SLC9A4: variants seen among roughly 807,000 people sequenced by gnomAD.
SLC9A4 encodes the protein solute carrier family 9 member A4.
A neutral mutation model predicts 67.4 loss-of-function variants in SLC9A4; 63 were observed. The observed-to-expected ratio is 0.93, with a 90% confidence interval of 0.76 to 1.15. The LOEUF (loss-of-function observed/expected upper bound fraction) is 1.15, where lower values mean the gene tolerates loss of function less well. Among genes scored for constraint, SLC9A4 ranks in the 50% most tolerant of loss-of-function variants. The probability of loss-of-function intolerance (pLI) is 0.00; values close to 1 mark genes in which losing one functional copy is unlikely to be tolerated. For missense variants in SLC9A4, 1,089 were observed against 987.7 expected, an observed-to-expected ratio of 1.10 and a Z score of -1.38; for synonymous variants, 393 against 367.2, an observed-to-expected ratio of 1.07 and a Z score of -0.80.
chr2:102,474,102 G>T, intron 1 of SLC9A4, 87 bp downstream of exon 1: 1 of 1,462,290 alleles, frequency 6.8e-7, no homozygotes, highest in Non-Finnish European at 9.2e-7. Flanking sequence ...CGGGCTAAGA[G>T]GATTTTAACT....
At chr2:102,517,471 G>GA (rs1685297808) in intron 8 of SLC9A4, among the ~76,000 whole-genome samples, 1 of 152,210 alleles carries the variant, frequency 6.6e-6, no homozygotes, top group Non-Finnish European at 1.5e-5. Flanking sequence ...AGGGCAGACT[G>GA]AAGAGAGGTT....
At chr2:102,498,292 T>TTATA (rs1466982228) in intron 2 of SLC9A4, among the ~76,000 whole-genome samples, 2 of 152,222 alleles carry the variant, frequency 1.3e-5, no homozygotes, top group Non-Finnish European at 2.9e-5. Flanking sequence ...GTCTTCTTAA[T>TTATA]TATATGTACT....
intron 9 of SLC9A4, among the ~76,000 whole-genome samples, chr2:102,522,552 G>T (rs1022227987): frequency 1.3e-5 from 2 of 152,104 alleles, no homozygotes; most frequent in Admixed American, 1.3e-4. Flanking sequence ...CTTATAAAGT[G>T]CAGCCTCCTC....
intron 2 of SLC9A4, among the ~76,000 whole-genome samples, chr2:102,492,177 G>T (rs907354419): frequency 3.9e-5 from 6 of 152,234 alleles, no homozygotes; most frequent in African/African-American, 1.4e-4. Flanking sequence ...AGGGTCTGTG[G>T]CTTTTCAAGG....
chr2:102,498,345 A>T (rs1282758348), intron 2 of SLC9A4, among the ~76,000 whole-genome samples: 1 of 152,364 alleles, frequency 6.6e-6, no homozygotes, highest in East Asian at 1.9e-4. Context: ...CTGGCAGGGC[A>T]CACTGGTGTC....
chr2:102,503,612 T>G lies in SLC9A4; in HGVS notation c.885T>G (p.Thr295=). Residue 295 remains threonine (T), a synonymous_variant, in exon 3 of 12, where the codon ACT becomes ACG. Coordinates refer to ENST00000295269, the MANE Select transcript of SLC9A4 (RefSeq NM_001011552.4). ...GFISAFITRF[T]QNISAIEPLI... ...TTTCTGCATTTATCACACGTTTCAC[T>G]CAGAATATCTCTGCAATTGAGCCAC... is the stretch of plus-strand genomic sequence containing the variant. The G allele has an allele frequency of 6.2e-7, 1 of 1,614,200 alleles. No homozygotes were observed. Among genetic ancestry groups the G allele is most frequent in the Non-Finnish European group, 8.5e-7 (1 of 1,180,034 alleles).
chr2:102,505,577 T>C lies in SLC9A4; in HGVS notation c.1198+106T>C, dbSNP rs189024168. On this transcript the variant is annotated intron_variant, in intron 4 of 11. Transcript: ENST00000295269. ...GAGGACTGAGTAGATGCTAACTGGT[T>C]TTACCGGTTAGGGTAGACTAGGAAC... 7 of 1,121,124 alleles carry C rather than the reference T, an allele frequency of 6.2e-6. No individual in the cohort carries two copies. In the African/African-American group the frequency reaches 1.1e-4, roughly 17 times the overall value. The allele number at this position is 1,121,124 out of a possible 1,614,324, so 69.4% of individuals were successfully genotyped here.
At chr2:102,476,410 T>A (rs1306837753) in intron 1 of SLC9A4, among the ~76,000 whole-genome samples, 1 of 152,238 alleles carries the variant, frequency 6.6e-6, no homozygotes, top group African/African-American at 2.4e-5. Flanking sequence ...AGGGAGAAGT[T>A]TTAAAATGTG....
At chr2:102,519,723 A>G (rs997971366) in intron 8 of SLC9A4, 136 bp from the exon 9 acceptor site, 6 of 690,064 alleles carry the variant, frequency 8.7e-6, no homozygotes, top group African/African-American at 5.5e-5. Flanking sequence ...ACTTACTAGA[A>G]CAATAGGAAA....
At position 102,501,373 on chromosome 2, in the gene SLC9A4, G is replaced by A. The variant is rs550218337; in HGVS notation, c.721-2075G>A. On this transcript the variant is annotated intron_variant, in intron 2 of 11. Coordinates refer to ENST00000295269, the MANE Select transcript of SLC9A4 (RefSeq NM_001011552.4). ...TGAGCTCAGGCAATCTGCCCACCTC[G>A]GCCTCCAAAAGTGCTAGGATTACAG... 4.6e-3 allele frequency among the ~76,000 whole-genome samples: 692 copies of A among 152,038 alleles called. 9 individuals are homozygous for A. The highest frequency in any genetic ancestry group is 0.016 in the African/African-American group (649 of 41,436).
Position 102,505,430 on chromosome 2 carries a change from T to A in SLC9A4, c.1157T>A (p.Ile386Asn). The change falls in exon 4 of 12, where the codon ATC becomes AAC. Residue 386 changes from isoleucine to asparagine, a missense_variant. Physicochemically the swap from Ile to Asn is moderately radical, Grantham distance 149. Coordinates refer to ENST00000295269, the MANE Select transcript of SLC9A4 (RefSeq NM_001011552.4). ...GKNHEWNWAF[I>N]CFTLAFCQIW... The stretch of plus-strand genomic sequence containing the variant: ...AATCACGAGTGGAACTGGGCCTTCA[T>A]CTGCTTCACCCTGGCCTTCTGCCAA... 1 of 1,614,222 alleles carries A rather than the reference T, an allele frequency of 6.2e-7. No homozygotes were observed. The highest frequency in any genetic ancestry group is 8.5e-7 in the Non-Finnish European group (1 of 1,180,030).
At chr2:102,508,381 C>A (rs1005972619) in intron 5 of SLC9A4, 100 bp downstream of exon 5, 5 of 1,129,186 alleles carry the variant, frequency 4.4e-6, no homozygotes, top group Admixed American at 2.7e-5. Flanking sequence ...ATTTTCAGAT[C>A]TGTGCTCAAT....
chr2:102,528,810 A>G (rs1378154719), intron 11 of SLC9A4, among the ~76,000 whole-genome samples: 2 of 152,224 alleles, frequency 1.3e-5, no homozygotes, highest in Non-Finnish European at 2.9e-5. Flanking sequence ...TAACCTTTTA[A>G]TGGATGTCCT....
chr2:102,519,373 A>G (rs1685348774), intron 8 of SLC9A4, among the ~76,000 whole-genome samples: 1 of 152,258 alleles, frequency 6.6e-6, no homozygotes, highest in Non-Finnish European at 1.5e-5. Flanking sequence ...TGTGGTGTGT[A>G]GATGGTATTA....
intron 2 of SLC9A4, among the ~76,000 whole-genome samples, chr2:102,499,363 T>C (rs1263392319): frequency 6.6e-6 from 1 of 152,238 alleles, no homozygotes. Flanking sequence ...GGAGGGATTG[T>C]GGGACTTTTG....
At position 102,519,638 on chromosome 2, in the gene SLC9A4, C is replaced by T. The variant is rs550018979; in HGVS notation, c.1722-221C>T. Among the ~76,000 whole-genome samples the T allele has an allele frequency of 7.2e-5, 11 of 152,174 alleles. No individual in the cohort carries two copies. In the South Asian group the frequency reaches 1.7e-3, roughly 23 times the overall value. ...TTAAAAAAATGGGTTGGAATAATTA[C>T]CATATATAAGCTATAGCCAAGGGAA... On this transcript the variant is annotated intron_variant, in intron 8 of 11. Transcript: ENST00000295269.
intron 9 of SLC9A4, among the ~76,000 whole-genome samples, chr2:102,521,727 G>A (rs1171258034): frequency 6.6e-6 from 1 of 152,152 alleles, no homozygotes; most frequent in Non-Finnish European, 1.5e-5. Context: ...ACATTTTTGA[G>A]GAATGTCACA....
intron 2 of SLC9A4, among the ~76,000 whole-genome samples, chr2:102,495,813 G>A (rs1386496896): frequency 6.6e-6 from 1 of 152,024 alleles, no homozygotes; most frequent in African/African-American, 2.4e-5. Context: ...TATCCATGTG[G>A]AAAACATGAA....
intron 9 of SLC9A4, among the ~76,000 whole-genome samples, chr2:102,520,856 T>A (rs1043706652): frequency 3.3e-5 from 5 of 152,226 alleles, no homozygotes; most frequent in Non-Finnish European, 7.3e-5. Flanking sequence ...CACCCAGTGC[T>A]CTTTTCATGA....
Sources: gnomAD v4.1 joint callset for allele counts (sites outside exome capture counted in the v4.1 genomes callset) on GRCh38, gnomAD v4.1.1 for gene constraint, MANE v1.5 for transcripts, NCBI Gene and HGNC (gene_info 2026-07-23, HGNC 2026-07-21) for gene names.